The following CDH17 variants were observed in gnomAD, a reference collection of about 807,000 sequenced individuals.
CDH17 encodes cadherin 17, also known as cadherin-17.
In CDH17, 67 loss-of-function variants were observed where a neutral mutation model predicts 86.3. The observed-to-expected ratio is 0.78, with a 90% CI of 0.64 to 0.95. CDH17 has a LOEUF of 0.95. Ranked by LOEUF, CDH17 falls within the 40% of genes least tolerant of loss-of-function variation. The pLI, the probability that CDH17 is intolerant of heterozygous loss-of-function variation, is 0.00. For missense variants in CDH17, 993 were observed against 1,017.6 expected (o/e 0.98, Z 0.33); for synonymous variants, 367 against 366.4 (o/e 1.00, Z -0.02).
chr8:94,147,643 A>G (rs1812769865), intron 14 of CDH17, among the ~76,000 whole-genome samples: 1 of 152,256 alleles, frequency 6.6e-6, no homozygotes, highest in African/African-American at 2.4e-5. Context: ...TGAAAATTCC[A>G]TGAAAATGCA....
intron 12 of CDH17, among the ~76,000 whole-genome samples, chr8:94,159,418 T>A (rs1268259627): frequency 2.6e-5 from 4 of 152,112 alleles, no homozygotes; most frequent in Non-Finnish European, 5.9e-5. Flanking sequence ...ACCCAGCAGT[T>A]GCATTATTCA....
intron 10 of CDH17, among the ~76,000 whole-genome samples, chr8:94,163,173 C>A (rs1363976395): frequency 6.6e-6 from 1 of 152,226 alleles, no homozygotes; most frequent in Non-Finnish European, 1.5e-5. Flanking sequence ...GTGCTACTGT[C>A]ATTCCCATTT....
intron 15 of CDH17, among the ~76,000 whole-genome samples, chr8:94,141,595 G>A (rs1229927230): frequency 2.0e-5 from 3 of 152,072 alleles, no homozygotes; most frequent in Non-Finnish European, 4.4e-5. Context: ...TCAGTATACA[G>A]AAATCATTAT....
chr8:94,172,002 C>G (rs1586259910), intron 7 of CDH17, among the ~76,000 whole-genome samples: 1 of 86,508 alleles, frequency 1.2e-5, no homozygotes, highest in African/African-American at 4.5e-5. Context: ...CCTCCTCCCC[C>G]TCCTCCCTCC....
rs1469574421 is a variant in CDH17, at chr8:94,146,167, C to T, written c.1928G>A (p.Gly643Glu). ...TGACACAGAGCTCAAGGAAGACCCC[C>T]CTAAGGAATTGAATGATTGAAACAT... is the stretch of plus-strand genomic sequence containing the variant. ...YRVQVVATEV[G>E]GSSLSSVSEF... Residue 643 changes from glycine to glutamate, a missense_variant and splice_region_variant, in exon 15 of 18, where the codon GGG (glycine) becomes GAG (glutamate). By Grantham distance (98) the Gly-to-Glu change is moderately conservative. Coordinates refer to ENST00000027335, the MANE Select transcript of CDH17 (RefSeq NM_004063.4). 1.3e-6 allele frequency: 2 copies of T among 1,507,058 alleles called. No individual in the cohort carries two copies. The highest frequency in any genetic ancestry group is 1.4e-5 in the South Asian group (1 of 72,530). The allele number at this position is 1,507,058 out of a possible 1,614,324, so 93.4% of individuals were successfully genotyped here.
At chr8:94,138,590 A>G (rs1812577519) in intron 15 of CDH17, among the ~76,000 whole-genome samples, 1 of 152,202 alleles carries the variant, frequency 6.6e-6, no homozygotes, top group Non-Finnish European at 1.5e-5. Flanking sequence ...AGAGATTTAT[A>G]GAGGGGTCTC....
chr8:94,178,078 T>C (rs1321303037), intron 3 of CDH17, among the ~76,000 whole-genome samples: 1 of 152,190 alleles, frequency 6.6e-6, no homozygotes, highest in African/African-American at 2.4e-5. Context: ...AAATATGTCA[T>C]TTAGCACTTC....
intron 1 of CDH17, among the ~76,000 whole-genome samples, chr8:94,216,846 C>T (rs1258865024): frequency 1.3e-5 from 2 of 152,092 alleles, no homozygotes; most frequent in African/African-American, 4.8e-5. Context: ...CAACGCTGGC[C>T]GCATAGAGCC....
rs192856078 is a variant in CDH17, at chr8:94,145,908, A to T, written c.2167+20T>A. 9 of 1,603,764 alleles carry T rather than the reference A, an allele frequency of 5.6e-6. No homozygotes were observed. Among genetic ancestry groups the T allele is most frequent in the Admixed American group, 5.2e-5 (3 of 57,996 alleles). On this transcript the variant is annotated intron_variant, in intron 15 of 17. Transcript: ENST00000027335. ...TCATCATCCATCTATGTTTTTTTCC[A>T]TGTATTTCTGACAACTCACCATTGA...
chr8:94,151,775 T>C, intron 13 of CDH17, 93 bp downstream of exon 13: 4 of 1,506,630 alleles, frequency 2.7e-6, no homozygotes, highest in Non-Finnish European at 2.7e-6. Context: ...GCTGTGAGGG[T>C]CAGCCCTGGA....
rs76067927 is a variant in CDH17, at chr8:94,174,433, G to A, written c.425-173C>T. ...CCACTCCCCCCTTCCCTAAAATAAG[G>A]TTTCTCAAGGTCTGGTCCAAGAACC... On this transcript the variant is annotated intron_variant, in intron 5 of 17. Coordinates refer to ENST00000027335, the MANE Select transcript of CDH17 (RefSeq NM_004063.4). Among the ~76,000 whole-genome samples, 143 of 152,194 alleles carry A rather than the reference G, an allele frequency of 9.4e-4. 1 individual carries two copies. The East Asian group carries it at 0.024, about 25-fold the overall frequency.
chr8:94,199,455 G>A (rs1813862360), intron 1 of CDH17, among the ~76,000 whole-genome samples: 1 of 134,402 alleles, frequency 7.4e-6, no homozygotes, highest in Admixed American at 7.3e-5. Flanking sequence ...ATCTCTTCTT[G>A]AACTAATTTT....
Position 94,146,073 on chromosome 8 carries a change from C to T in CDH17, c.2022G>A (p.Leu674=). 6.2e-7 allele frequency: 1 copy of T among 1,613,846 alleles called. No individual in the cohort carries two copies. The highest frequency in any genetic ancestry group is 8.5e-7 in the Non-Finnish European group (1 of 1,179,898). ...PPRLAKDYTG[L]FFCHPLSAPG... ...GTGCACTGAGGGGATGGCAGAAGAA[C>T]AAGCCCGTGTAGTCCTTGGCTAGCC... Residue 674 remains leucine, a synonymous_variant, in exon 15 of 18, where the codon TTG becomes TTA. Transcript: ENST00000027335.
intron 12 of CDH17, among the ~76,000 whole-genome samples, 174 bp downstream of exon 12, chr8:94,159,797 C>T (rs1813015228): frequency 6.6e-6 from 1 of 152,108 alleles, no homozygotes; most frequent in Non-Finnish European, 1.5e-5. Flanking sequence ...ATCCTGACTT[C>T]CCGTCTGTCA....
chr8:94,179,252 A>G (rs927844708), intron 3 of CDH17, among the ~76,000 whole-genome samples: 8 of 152,130 alleles, frequency 5.3e-5, no homozygotes, highest in Non-Finnish European at 8.8e-5. Flanking sequence ...GGGAACATCT[A>G]CTTACAACAC....
chr8:94,149,597 G>C (rs944782609), intron 13 of CDH17, among the ~76,000 whole-genome samples: 1 of 152,122 alleles, frequency 6.6e-6, no homozygotes, highest in Non-Finnish European at 1.5e-5. Flanking sequence ...AAGAGTGTGA[G>C]ATAAAGCACC....
intron 12 of CDH17, among the ~76,000 whole-genome samples, chr8:94,154,412 G>C (rs1812910235): frequency 6.6e-6 from 1 of 152,132 alleles, no homozygotes; most frequent in African/African-American, 2.4e-5. Context: ...TGCTTACATA[G>C]AGATTTCCAT....
intron 1 of CDH17, among the ~76,000 whole-genome samples, chr8:94,199,037 T>TGA (rs1813840732): frequency 2.4e-5 from 2 of 84,404 alleles, no homozygotes; most frequent in African/African-American, 1.2e-4. Context: ...CAGTTCTGAT[T>TGA]GATATATATA....
intron 3 of CDH17, among the ~76,000 whole-genome samples, chr8:94,178,342 T>A (rs866689624): frequency 2.5e-4 from 38 of 152,216 alleles, no homozygotes; most frequent in African/African-American, 8.7e-4. Flanking sequence ...TTTATTAAAT[T>A]AAAAGCAATA....
Sources: allele counts gnomAD v4.1 joint callset (sites outside exome capture counted in the v4.1 genomes callset), GRCh38; gene constraint gnomAD v4.1.1; transcripts MANE v1.5; gene names NCBI Gene and HGNC (gene_info 2026-07-23, HGNC 2026-07-21).